CAST: variants seen among roughly 807,000 people sequenced by gnomAD.
The protein encoded by CAST is calpastatin.
A neutral mutation model predicts 119.6 loss-of-function variants in CAST; 76 were observed. The ratio of observed to expected loss-of-function variants is 0.64; its 90% CI spans 0.53 to 0.77. The LOEUF (loss-of-function observed/expected upper bound fraction) is 0.77. CAST is among the 30% of genes least tolerant of loss of function. CAST has a pLI of 0.00. For missense variants in CAST, 953 were observed against 946.5 expected (o/e 1.01, Z -0.09); for synonymous variants, 319 against 331.6 (o/e 0.96, Z 0.41).
chr5:96,728,969 G>A lies in CAST; in HGVS notation c.379-184G>A, dbSNP rs1759895816. 4 of 546,792 alleles carry A rather than the reference G, an allele frequency of 7.3e-6. No homozygotes were observed. In the South Asian group the frequency reaches 1.0e-4, roughly 14 times the overall value. 33.9% of individuals were successfully genotyped at this position (546,792 alleles called of 1,614,324 possible). A position where few individuals can be genotyped will look rare whatever the true frequency, so the allele number is the denominator to read the frequency against. On this transcript the variant is annotated intron_variant, in intron 6 of 31. Transcript: ENST00000675179. ...ACCATTCTCAGAGACTGCTGACAGG[G>A]TTACTATTGACCTGATACCACATGT...
At chr5:96,415,002 T>C in the CAST span, among the ~76,000 whole-genome samples, 1 of 152,266 alleles carries the variant, frequency 6.6e-6, no homozygotes, top group Non-Finnish European at 1.5e-5. Context: ...TAATGGGGTT[T>C]TATTGTAATT....
chr5:96,425,060 G>GAAAA, the CAST span, among the ~76,000 whole-genome samples: 1 of 126,498 alleles, frequency 7.9e-6, no homozygotes, highest in Non-Finnish European at 1.7e-5. Context: ...AAGAAAGAAA[G>GAAAA]AAAGAAAGAA....
chr5:96,363,198 C>G, the CAST span, among the ~76,000 whole-genome samples: 8 of 149,346 alleles, frequency 5.4e-5, no homozygotes, highest in Non-Finnish European at 1.0e-4. Flanking sequence ...GTCTATATCT[C>G]TGTTTTGGTA....
chr5:96,154,696 CTGTT>C, the CAST span, among the ~76,000 whole-genome samples: 1 of 152,196 alleles, frequency 6.6e-6, no homozygotes, highest in Non-Finnish European at 1.5e-5. Flanking sequence ...ATGACCTTGA[CTGTT>C]TGAGGAGTAC....
At chr5:96,270,107 AT>A in the CAST span, among the ~76,000 whole-genome samples, 2 of 152,202 alleles carry the variant, frequency 1.3e-5, no homozygotes, top group Admixed American at 1.3e-4. Context: ...AATAAACATG[AT>A]ACATCACATT....
At chr5:96,183,908 G>A in the CAST span, among the ~76,000 whole-genome samples, 582 of 152,270 alleles carry the variant, frequency 3.8e-3, 3 homozygotes, top group African/African-American at 0.013. Flanking sequence ...TTTGGATTTA[G>A]CTGGAGTTAT....
chr5:96,577,072 G>A (rs985325806), intron 1 of CAST, among the ~76,000 whole-genome samples: 1 of 152,170 alleles, frequency 6.6e-6, no homozygotes, highest in Non-Finnish European at 1.5e-5. Context: ...TTACAAGTGA[G>A]AACATGTGGG....
At chr5:96,446,727 G>A in the CAST span, among the ~76,000 whole-genome samples, 1 of 152,146 alleles carries the variant, frequency 6.6e-6, no homozygotes, top group East Asian at 1.9e-4. Context: ...TCAGGCATAA[G>A]GTTTGTGCCA....
rs140665192 is a variant in CAST at position 96,588,196 on chromosome 5, C to CTTTTTT, written c.60+58335_60+58340dup. ...TATTATTTTCTTTCTTTCTTTCTTTCTTTTTTTTTTTTTTTTTTTTTTTTG... is the reference window on the plus strand; with the variant it reads ...TATTATTTTCTTTCTTTCTTTCTTTCTTTTTTTTTTTTTTTTTTTTTTTTTTTTTTG... On this transcript the variant is annotated intron_variant, in intron 1 of 11. Coordinates refer to the CAST transcript ENST00000505143. Among the ~76,000 whole-genome samples, 574 of 75,826 alleles carry CTTTTTT rather than the reference C, an allele frequency of 7.6e-3. 22 individuals are homozygous for CTTTTTT. Among genetic ancestry groups the CTTTTTT allele is most frequent in the Middle Eastern group, 0.013 (1 of 80 alleles). The allele number at this position is 75,826 out of a possible 152,430, so 49.7% of individuals were successfully genotyped here.
the CAST span, among the ~76,000 whole-genome samples, chr5:96,341,802 C>T: frequency 2.6e-5 from 4 of 152,066 alleles, no homozygotes; most frequent in South Asian, 8.3e-4. Flanking sequence ...ATCTTTTTCT[C>T]CTTATGTTAA....
At chr5:96,192,129 A>G in the CAST span, among the ~76,000 whole-genome samples, 1 of 152,280 alleles carries the variant, frequency 6.6e-6, no homozygotes, top group Non-Finnish European at 1.5e-5. Context: ...ATAGAATGAG[A>G]ATTTCAGGAG....
chr5:96,279,993 G>A, the CAST span, among the ~76,000 whole-genome samples: 1 of 152,228 alleles, frequency 6.6e-6, no homozygotes, highest in Non-Finnish European at 1.5e-5. Context: ...AAACACTAAT[G>A]AAGTTCCAGG....
rs1003364192 is a variant in CAST, at chr5:96,773,601, T to A, written c.*985T>A. The A allele has an allele frequency of 6.6e-6, 1 of 151,530 alleles. No homozygotes were observed. Among genetic ancestry groups the A allele is most frequent in the Admixed American group, 6.6e-5 (1 of 15,212 alleles). 9.4% of individuals were successfully genotyped at this position (151,530 alleles called of 1,614,324 possible). On this transcript the variant is annotated 3_prime_UTR_variant, in exon 32 of 32. Transcript: ENST00000675179. ...AAAGAAACTTCTGCTTTTAAAAAAA[T>A]TATATATATATATTAAATTTGAAAC...
the CAST span, among the ~76,000 whole-genome samples, chr5:96,038,501 C>A: frequency 6.6e-6 from 1 of 151,896 alleles, no homozygotes; most frequent in East Asian, 1.9e-4. Flanking sequence ...AGGTATTTCT[C>A]CTAATGTTAT....
the CAST span, among the ~76,000 whole-genome samples, chr5:96,349,139 ATTTT>A: frequency 1.7e-4 from 15 of 89,630 alleles, no homozygotes; most frequent in African/African-American, 7.0e-4. Flanking sequence ...CAAGGACACT[ATTTT>A]TTTTTTTTTT....
chr5:96,472,678 C>T, the CAST span, among the ~76,000 whole-genome samples: 2 of 152,174 alleles, frequency 1.3e-5, no homozygotes, highest in African/African-American at 2.4e-5. Flanking sequence ...TAGCTCTGAT[C>T]TACCCCATGT....
the CAST span, among the ~76,000 whole-genome samples, chr5:96,026,929 C>A: frequency 8.1e-3 from 1,234 of 152,198 alleles, 19 homozygotes; most frequent in African/African-American, 0.027. Flanking sequence ...TATGCATCTG[C>A]TGGGCATAGT....
chr5:96,009,464 A>G, the CAST span, among the ~76,000 whole-genome samples: 4 of 152,012 alleles, frequency 2.6e-5, no homozygotes. Context: ...ATCATCTGTT[A>G]TTTTTTGACT....
chr5:96,006,390 A>G, the CAST span, among the ~76,000 whole-genome samples: 1 of 151,860 alleles, frequency 6.6e-6, no homozygotes, highest in Non-Finnish European at 1.5e-5. Context: ...AAAAAAAAAA[A>G]ATCATAATGT....
Sources: allele counts gnomAD v4.1 joint callset (sites outside exome capture counted in the v4.1 genomes callset), GRCh38; gene constraint gnomAD v4.1.1; transcripts MANE v1.5; gene names NCBI Gene and HGNC (gene_info 2026-07-23, HGNC 2026-07-21).